The following CADM2 variants were observed in gnomAD, a reference collection of about 807,000 sequenced individuals.
The protein encoded by CADM2 is cell adhesion molecule 2.
A neutral mutation model predicts 49.8 loss-of-function variants in CADM2; 12 were observed. That is an observed-to-expected ratio of 0.24 (90% CI 0.15 to 0.39). The LOEUF (loss-of-function observed/expected upper bound fraction) is 0.39. Ranked by LOEUF, CADM2 falls within the 10% of genes least tolerant of loss-of-function variation. CADM2 has a pLI of 1.00. For synonymous variants in CADM2, 214 were observed against 175.4 expected (o/e 1.22, Z -1.74); for missense variants, 378 against 492.3 (o/e 0.77, Z 2.20).
intron 1 of CADM2, among the ~76,000 whole-genome samples, chr3:85,003,169 G>A (rs1245732650): frequency 1.3e-5 from 2 of 151,718 alleles, no homozygotes; most frequent in Admixed American, 6.6e-5. Flanking sequence ...GAGATAAAAG[G>A]CCAAATACTA....
At chr3:85,621,873 A>G (rs546328684) in intron 1 of CADM2, among the ~76,000 whole-genome samples, 4 of 152,332 alleles carry the variant, frequency 2.6e-5, no homozygotes, top group African/African-American at 9.6e-5. Context: ...CGTTTTGTAG[A>G]TGACAAGGTG....
chr3:85,041,306 T>G (rs933104608), intron 1 of CADM2, among the ~76,000 whole-genome samples: 2 of 152,182 alleles, frequency 1.3e-5, no homozygotes, highest in Non-Finnish European at 1.5e-5. Flanking sequence ...ATTTTAGGCA[T>G]ATATCTATAT....
At chr3:85,800,597 T>C (rs1316639435) in intron 2 of CADM2, among the ~76,000 whole-genome samples, 3 of 152,190 alleles carry the variant, frequency 2.0e-5, no homozygotes. Context: ...AAGCATAGTA[T>C]CTGGGCCAGA....
At chr3:85,862,385 A>G (rs1559707492) in intron 3 of CADM2, among the ~76,000 whole-genome samples, 1 of 152,176 alleles carries the variant, frequency 6.6e-6, no homozygotes, top group African/African-American at 2.4e-5. Flanking sequence ...TTTATGTTGT[A>G]TACTTTTCAT....
chr3:85,894,457 T>C (rs968187534), intron 5 of CADM2, among the ~76,000 whole-genome samples: 1 of 151,936 alleles, frequency 6.6e-6, no homozygotes, highest in Non-Finnish European at 1.5e-5. Context: ...GTAACTAACC[T>C]GCATGTTGTG....
chr3:85,011,220 A>G (rs1356968063), intron 1 of CADM2, among the ~76,000 whole-genome samples: 1 of 151,980 alleles, frequency 6.6e-6, no homozygotes, highest in Non-Finnish European at 1.5e-5. Flanking sequence ...CTTATAGTAT[A>G]GTTTTCAATC....
At chr3:85,858,454 G>T (rs1443911319) in intron 3 of CADM2, among the ~76,000 whole-genome samples, 1 of 152,148 alleles carries the variant, frequency 6.6e-6, no homozygotes, top group Non-Finnish European at 1.5e-5. Context: ...AACTAACATT[G>T]CAGATTACTT....
At chr3:85,690,745 G>A (rs2066356534) in intron 1 of CADM2, among the ~76,000 whole-genome samples, 1 of 152,108 alleles carries the variant, frequency 6.6e-6, no homozygotes, top group Admixed American at 6.5e-5. Flanking sequence ...CTCTTTTTTA[G>A]AAAAGACCTT....
chr3:85,554,313 G>A (rs190624911), intron 1 of CADM2, among the ~76,000 whole-genome samples: 1 of 152,126 alleles, frequency 6.6e-6, no homozygotes, highest in East Asian at 1.9e-4. Context: ...GACAGGAGGT[G>A]GAGTTCAGGC....
chr3:85,766,686 A>T (rs927441503), intron 2 of CADM2, among the ~76,000 whole-genome samples: 4 of 152,152 alleles, frequency 2.6e-5, no homozygotes, highest in African/African-American at 9.7e-5. Context: ...TGTAGTTCAG[A>T]TATATTTTCC....
At chr3:85,214,466 T>A (rs919127641) in intron 1 of CADM2, among the ~76,000 whole-genome samples, 2 of 151,882 alleles carry the variant, frequency 1.3e-5, no homozygotes, top group African/African-American at 4.8e-5. Context: ...TTAAGGCCCA[T>A]GGACTCTGCT....
intron 1 of CADM2, among the ~76,000 whole-genome samples, chr3:85,217,543 G>T (rs539863473): frequency 7.3e-4 from 111 of 151,998 alleles, no homozygotes; most frequent in Admixed American, 3.1e-3. Context: ...CTACATTTAT[G>T]TATTAAATCT....
chr3:85,894,815 T>TAC (rs1281284154), intron 5 of CADM2, among the ~76,000 whole-genome samples: 5 of 152,172 alleles, frequency 3.3e-5, no homozygotes, highest in Non-Finnish European at 7.3e-5. Flanking sequence ...GTCCCAAGCC[T>TAC]TAGTGGCTTA....
At chr3:84,986,542 A>G (rs2032561959) in intron 1 of CADM2, among the ~76,000 whole-genome samples, 1 of 151,988 alleles carries the variant, frequency 6.6e-6, no homozygotes, top group African/African-American at 2.4e-5. Flanking sequence ...GAAGGATAAA[A>G]AACTTCCTAC....
intron 1 of CADM2, among the ~76,000 whole-genome samples, chr3:85,047,021 A>G (rs984740170): frequency 6.6e-6 from 1 of 152,164 alleles, no homozygotes; most frequent in Non-Finnish European, 1.5e-5. Context: ...ATGTATTTTT[A>G]TAAGATGGAA....
intron 1 of CADM2, among the ~76,000 whole-genome samples, chr3:85,711,665 G>T (rs1410967909): frequency 6.6e-6 from 1 of 152,030 alleles, no homozygotes; most frequent in Non-Finnish European, 1.5e-5. Context: ...AACAAGTGAA[G>T]ATAAAACTGT....
At chr3:85,914,035 G>T (rs1717963388) in intron 6 of CADM2, among the ~76,000 whole-genome samples, 1 of 152,116 alleles carries the variant, frequency 6.6e-6, no homozygotes, top group East Asian at 1.9e-4. Flanking sequence ...AGAATTTTTT[G>T]ATTACTTTTT....
intron 1 of CADM2, among the ~76,000 whole-genome samples, chr3:85,223,130 G>A (rs773158410): frequency 6.6e-6 from 1 of 152,192 alleles, no homozygotes; most frequent in South Asian, 2.1e-4. Flanking sequence ...AAATTAAAAT[G>A]TAACAATTTA....
At chr3:85,357,895 G>A (rs1411992621) in intron 1 of CADM2, among the ~76,000 whole-genome samples, 1 of 152,064 alleles carries the variant, frequency 6.6e-6, no homozygotes, top group Non-Finnish European at 1.5e-5. Flanking sequence ...ACGCTAACCA[G>A]GGAGAGACCT....
Sources: allele counts gnomAD v4.1 joint callset (sites outside exome capture counted in the v4.1 genomes callset), GRCh38; gene constraint gnomAD v4.1.1; transcripts MANE v1.5; gene names NCBI Gene and HGNC (gene_info 2026-07-23, HGNC 2026-07-21).